Variants in VPS50 observed in about 807,000 individuals in gnomAD.
VPS50 encodes syndetin.
VPS50 carries 70 observed loss-of-function variants against 139.7 expected under a neutral mutation model. The observed-to-expected ratio is 0.50, with a 90% CI of 0.41 to 0.61. The LOEUF is 0.61. Among genes scored for constraint, VPS50 ranks in the 20% least tolerant of loss-of-function variants. The pLI, the probability that VPS50 is intolerant of heterozygous loss-of-function variation, is 0.00. For synonymous variants in VPS50, 365 were observed against 376.7 expected, an observed-to-expected ratio of 0.97 and a Z score of 0.36; for missense variants, 921 against 1,133.7, an observed-to-expected ratio of 0.81 and a Z score of 2.69.
chr7:93,310,924 T>C (rs991719775), intron 19 of VPS50, among the ~76,000 whole-genome samples: 15 of 152,114 alleles, frequency 9.9e-5, no homozygotes, highest in Non-Finnish European at 1.8e-4. Context: ...GAGATGTAGC[T>C]TTTTTAGTGG....
At chr7:93,294,079 G>A (rs1017035758) in intron 13 of VPS50, among the ~76,000 whole-genome samples, 1 of 152,104 alleles carries the variant, frequency 6.6e-6, no homozygotes, top group African/African-American at 2.4e-5. Flanking sequence ...TATTTATCTG[G>A]AGTGGATAAA....
At chr7:93,341,083 G>A (rs1284769625) in intron 22 of VPS50, among the ~76,000 whole-genome samples, 1 of 152,148 alleles carries the variant, frequency 6.6e-6, no homozygotes, top group Non-Finnish European at 1.5e-5. Context: ...GTTCTCAAGG[G>A]GTAATCATAT....
Position 93,341,430 on chromosome 7 carries a change from G to T in VPS50, c.2062G>T (p.Val688Phe), listed in dbSNP as rs774716211. The change falls in exon 23 of 28, where the codon GTT (valine) becomes TTT (phenylalanine). Residue 688 changes from valine to phenylalanine, a missense_variant. Physicochemically the swap from Val to Phe is conservative, Grantham distance 50 (BLOSUM62 -1). Transcript: ENST00000305866. ...TGTATATCTATTGTATTTTCAGGAA[G>T]TTTCAGCTGATCCTACTGCCACACT... ...RIQESLIDLEVSADPTATLTA... is the reference protein window; with the variant it reads ...RIQESLIDLEFSADPTATLTA... 45 of 1,603,510 alleles carry T rather than the reference G, an allele frequency of 2.8e-5. No homozygotes were observed. The Middle Eastern group carries it at 5.0e-4, about 18-fold the overall frequency.
At chr7:93,306,725 G>T (rs1338306695) in intron 18 of VPS50, among the ~76,000 whole-genome samples, 1 of 151,810 alleles carries the variant, frequency 6.6e-6, no homozygotes, top group Non-Finnish European at 1.5e-5. Context: ...TATTTTGTTT[G>T]ATGGTTTCTT....
At chr7:93,276,038 G>T in intron 11 of VPS50, 127 bp from the exon 12 acceptor site, 1 of 871,538 alleles carries the variant, frequency 1.1e-6, no homozygotes, top group South Asian at 2.1e-5. Context: ...GTATAATTCT[G>T]GGAAAACTAT....
chr7:93,232,389 A>C lies in VPS50; in HGVS notation c.-79A>C. 8.1e-7 allele frequency: 1 copy of C among 1,228,596 alleles called. No individual in the cohort carries two copies. Among genetic ancestry groups the C allele is most frequent in the East Asian group, 2.3e-5 (1 of 42,904 alleles). 76.1% of individuals were successfully genotyped at this position (1,228,596 alleles called of 1,614,324 possible). ...ACGTGACCACCCACTATGGCTTCCTAGTGTCAGGGCCAGCTGTGTAGTGGC... is the reference window on the plus strand; with the variant it reads ...ACGTGACCACCCACTATGGCTTCCTCGTGTCAGGGCCAGCTGTGTAGTGGC... On this transcript the variant is annotated 5_prime_UTR_variant, in exon 1 of 28. An upstream open reading frame in the 5' UTR loses its in-frame stop. Transcript: ENST00000305866.
At chr7:93,235,061 G>T (rs1375178523) in intron 1 of VPS50, among the ~76,000 whole-genome samples, 1 of 152,174 alleles carries the variant, frequency 6.6e-6, no homozygotes, top group African/African-American at 2.4e-5. Flanking sequence ...TAGATAGGAT[G>T]GCCACGGAAG....
intron 3 of VPS50, 36 bp downstream of exon 3, chr7:93,252,811 G>GT: frequency 6.6e-7 from 1 of 1,518,534 alleles, no homozygotes; most frequent in Non-Finnish European, 8.9e-7. Flanking sequence ...ACTAAGGCCT[G>GT]TTTTGTTCAG....
At chr7:93,357,930 G>T (rs1156954987) in intron 27 of VPS50, among the ~76,000 whole-genome samples, 1 of 152,008 alleles carries the variant, frequency 6.6e-6, no homozygotes, top group Non-Finnish European at 1.5e-5. Flanking sequence ...TAGAGGGCCA[G>T]AAAAATACTT....
intron 26 of VPS50, 142 bp from the exon 27 acceptor site, chr7:93,355,749 G>A (rs995262060): frequency 2.1e-6 from 1 of 478,852 alleles, no homozygotes; most frequent in Non-Finnish European, 3.7e-6. Context: ...TCTGACTCAA[G>A]GCTTATGTTC....
chr7:93,343,978 C>A (rs370798123), intron 23 of VPS50, among the ~76,000 whole-genome samples: 2 of 151,898 alleles, frequency 1.3e-5, no homozygotes, highest in East Asian at 1.9e-4. Context: ...CACACATAAC[C>A]ATATTAACTT....
At chr7:93,251,056 TAAG>T (rs1795310642) in intron 2 of VPS50, among the ~76,000 whole-genome samples, 1 of 152,108 alleles carries the variant, frequency 6.6e-6, no homozygotes, top group Admixed American at 6.5e-5. Flanking sequence ...TGTGGAGAAA[TAAG>T]AATGCTTTTA....
chr7:93,243,722 AATAT>A (rs1795064532), intron 2 of VPS50, among the ~76,000 whole-genome samples: 1 of 151,948 alleles, frequency 6.6e-6, no homozygotes, highest in Non-Finnish European at 1.5e-5. Context: ...TATTTGTTAT[AATAT>A]ATGATAGTAG....
chr7:93,295,470 C>G (rs1796782141), intron 14 of VPS50: 1 of 152,182 alleles, frequency 6.6e-6, no homozygotes, highest in Admixed American at 6.5e-5. Flanking sequence ...TAGACATGAA[C>G]ATTCAGACCA....
In VPS50 at chr7:93,303,465, G is replaced by A. The variant is rs944033426; in HGVS notation, c.1367G>A (p.Arg456Gln). 1 of 1,541,504 alleles carries A rather than the reference G, an allele frequency of 6.5e-7. No homozygotes were observed. The highest frequency in any genetic ancestry group is 8.9e-7 in the Non-Finnish European group (1 of 1,127,266). ...VNYFKNYHRT[R>Q]LDELRMFLEN... ...GTTCATTTTCTTTTTTTAAGAACACGGCTCGATGAACTGAGAATGTTCTTA... is the reference window on the plus strand; with the variant it reads ...GTTCATTTTCTTTTTTTAAGAACACAGCTCGATGAACTGAGAATGTTCTTA... Residue 456 changes from arginine to glutamine, a missense_variant, in exon 17 of 28, where the codon CGG becomes CAG. By Grantham distance (43) the Arg-to-Gln change is conservative. Coordinates refer to ENST00000305866, the MANE Select transcript of VPS50 (RefSeq NM_017667.4).
intron 20 of VPS50, chr7:93,320,548 A>C (rs1268923124): frequency 6.8e-6 from 1 of 146,860 alleles, no homozygotes; most frequent in Non-Finnish European, 1.5e-5. Context: ...TTTTTAGTAG[A>C]GACGGGGTTT....
At chr7:93,310,467 T>G (rs34180768) in intron 19 of VPS50, among the ~76,000 whole-genome samples, 9,361 of 144,864 alleles carry the variant, frequency 0.065, 334 homozygotes, top group Middle Eastern at 0.13. Context: ...AATTTAGGGG[T>G]TTTTTTTTTC....
chr7:93,244,975 A>G (rs1443714520), intron 2 of VPS50, among the ~76,000 whole-genome samples: 1 of 151,838 alleles, frequency 6.6e-6, no homozygotes, highest in Non-Finnish European at 1.5e-5. Flanking sequence ...CATACAGTCC[A>G]TTTGGCAAAC....
At chr7:93,254,648 G>A (rs1343762927) in intron 4 of VPS50, among the ~76,000 whole-genome samples, 1 of 152,128 alleles carries the variant, frequency 6.6e-6, no homozygotes, top group East Asian at 1.9e-4. Context: ...ATGATGTTGA[G>A]TAAATCATTT....
Sources: gnomAD v4.1 joint callset for allele counts (sites outside exome capture counted in the v4.1 genomes callset) on GRCh38, gnomAD v4.1.1 for gene constraint, MANE v1.5 for transcripts, NCBI Gene and HGNC (gene_info 2026-07-23, HGNC 2026-07-21) for gene names.